LTBP2: variants seen among roughly 807,000 people sequenced by gnomAD.
LTBP2 encodes latent-transforming growth factor beta-binding protein 2.
LTBP2 carries 103 observed loss-of-function variants against 210.6 expected under a neutral mutation model. The observed-to-expected ratio is 0.49, with a 90% CI of 0.42 to 0.58. LTBP2 has a LOEUF of 0.58. Among genes scored for constraint, LTBP2 ranks in the 20% least tolerant of loss-of-function variants. The probability of loss-of-function intolerance (pLI) is 0.00; values close to 1 mark genes in which losing one functional copy is unlikely to be tolerated. For synonymous variants in LTBP2, 1,007 were observed against 1,015.0 expected (o/e 0.99, Z 0.15); for missense variants, 2,313 against 2,494.5 (o/e 0.93, Z 1.55).
Position 74,509,799 on chromosome 14 carries a change from C to A in LTBP2, c.3212G>T (p.Gly1071Val). ...CTCACAGGCAGAGCAGGCGAAGGAG[C>A]CCTCCGTGTTGAGGCAGAGGCCTGT... is the stretch of plus-strand genomic sequence containing the variant. ...CPTGLCLNTE[G>V]SFACSACENG... is the part of the protein sequence containing the mutation. The change falls in exon 21 of 36, where the codon GGC (glycine) becomes GTC (valine). Residue 1071 changes from glycine (G) to valine (V), a missense_variant. This residue lies in a region of LTBP2 where 1,867 missense variants were observed against 1,976.9 expected (regional missense o/e 0.94). Transcript: ENST00000261978. The A allele has an allele frequency of 1.2e-6, 2 of 1,614,104 alleles. No homozygotes were observed. The highest frequency in any genetic ancestry group is 2.2e-5 in the East Asian group (1 of 44,876).
In LTBP2 at chr14:74,553,025, G is replaced by T. The variant is rs755780671; in HGVS notation, c.1059C>A (p.Ile353=). 2.5e-6 allele frequency: 4 copies of T among 1,614,160 alleles called. No individual in the cohort carries two copies. In the South Asian group the frequency reaches 3.3e-5, roughly 13 times the overall value. ...NLTEKIKKIK[I]VFTPTICKQT... is the part of the protein sequence containing the mutation. ...GCTTGCAGATGGTGGGAGTGAAGAC[G>T]ATCTTGATCTTCTTGATTTTCTCCG... The change falls in exon 5 of 36, where the codon ATC becomes ATA. Residue 353 remains isoleucine, a synonymous_variant. Transcript: ENST00000261978.
chr14:74,540,197 G>C (rs2087474979), intron 8 of LTBP2, among the ~76,000 whole-genome samples: 1 of 152,196 alleles, frequency 6.6e-6, no homozygotes, highest in South Asian at 2.1e-4. Flanking sequence ...TTAAGGCCGG[G>C]CATGGTGGCT....
At chr14:74,601,536 G>T (rs1034500795) in intron 2 of LTBP2, among the ~76,000 whole-genome samples, 1 of 152,174 alleles carries the variant, frequency 6.6e-6, no homozygotes, top group Admixed American at 6.5e-5. Context: ...GATCTGCTTC[G>T]TTGTTTGTTT....
In LTBP2 at chr14:74,501,441, C is replaced by G; in HGVS notation, c.5320G>C (p.Asp1774His). The change falls in exon 35 of 36, where the codon GAT (aspartate) becomes CAT (histidine). Residue 1774 changes from aspartate to histidine, a missense_variant and splice_region_variant. Asp to His is a moderately conservative substitution (Grantham distance 81). Transcript: ENST00000261978. ...TCCTCCATCAGAATTCTGCACTTAC[C>G]TACGCAGGCCATGTGGGCCGCATCC... ...QLDAAHMACVDVNECDDLNGP... is the reference protein window; with the variant it reads ...QLDAAHMACVHVNECDDLNGP... The G allele has an allele frequency of 6.2e-7, 1 of 1,614,108 alleles. No individual in the cohort carries two copies. The highest frequency in any genetic ancestry group is 8.5e-7 in the Non-Finnish European group (1 of 1,180,018).
intron 3 of LTBP2, among the ~76,000 whole-genome samples, chr14:74,562,990 G>A (rs1239839837): frequency 1.3e-5 from 2 of 152,164 alleles, no homozygotes; most frequent in Non-Finnish European, 2.9e-5. Context: ...GTATCTGCAA[G>A]TGTAGCAGCT....
chr14:74,557,947 C>T (rs2087749548), intron 3 of LTBP2, among the ~76,000 whole-genome samples: 1 of 152,190 alleles, frequency 6.6e-6, no homozygotes, highest in African/African-American at 2.4e-5. Context: ...GGGGGCATCC[C>T]TTCCCCCAGT....
chr14:74,581,664 GC>G lies in LTBP2; in HGVS notation c.830+4189del, dbSNP rs111931947. ...TAACCTGAATGAGCGAGGAAACCGA[GC>G]CCCCCTAGAGCCCCAGGAGCCTGCT... On this transcript the variant is annotated intron_variant, in intron 3 of 35. Transcript: ENST00000261978. 2.0e-3 allele frequency among the ~76,000 whole-genome samples: 312 copies of G among 152,276 alleles called. 2 individuals are homozygous for G. Among genetic ancestry groups the G allele is most frequent in the African/African-American group, 6.9e-3 (287 of 41,538 alleles).
At chr14:74,508,462 T>C in intron 24 of LTBP2, 142 bp downstream of exon 24, 2 of 1,466,464 alleles carry the variant, frequency 1.4e-6, no homozygotes, top group Non-Finnish European at 1.8e-6. Flanking sequence ...GGCAGGGCCG[T>C]GAGCACTTGC....
At chr14:74,520,267 G>A (rs2087184498) in intron 17 of LTBP2, among the ~76,000 whole-genome samples, 2 of 152,222 alleles carry the variant, frequency 1.3e-5, no homozygotes, top group African/African-American at 4.8e-5. Context: ...CCAACACCCT[G>A]TGTGTAAGGG....
At chr14:74,501,121 C>A in intron 35 of LTBP2, 92 bp from the exon 36 acceptor site, 2 of 1,444,028 alleles carry the variant, frequency 1.4e-6, no homozygotes, top group South Asian at 1.2e-5. Flanking sequence ...GGCCACTGCC[C>A]TAGAGTGAAA....
At chr14:74,552,481 C>T in intron 5 of LTBP2, 88 bp from the exon 6 acceptor site, 2 of 1,268,540 alleles carry the variant, frequency 1.6e-6, no homozygotes, top group Non-Finnish European at 2.2e-6. Flanking sequence ...AAACAGGCGG[C>T]AGAACCCTGA....
rs1480926280 is a variant in LTBP2 at position 74,522,932 on chromosome 14, A to G, written c.2531-14T>C. ...ATCTGTCAATGCCTGTGGGAGACAGAGCAAAACAGAGGTTATGGCAGGGTG... is the reference window on the plus strand; with the variant it reads ...ATCTGTCAATGCCTGTGGGAGACAGGGCAAAACAGAGGTTATGGCAGGGTG... On this transcript the variant is annotated splice_polypyrimidine_tract_variant and intron_variant, in intron 15 of 35. Coordinates refer to ENST00000261978, the MANE Select transcript of LTBP2 (RefSeq NM_000428.3). 1 of 1,609,666 alleles carries G rather than the reference A, an allele frequency of 6.2e-7. No individual in the cohort carries two copies. The highest frequency in any genetic ancestry group is 1.1e-5 in the South Asian group (1 of 89,962).
intron 10 of LTBP2, among the ~76,000 whole-genome samples, chr14:74,530,425 G>A (rs1453346161): frequency 6.6e-6 from 1 of 152,240 alleles, no homozygotes; most frequent in Admixed American, 6.5e-5. Flanking sequence ...TCACACAGAG[G>A]AAAGAGCAGG....
chr14:74,518,883 A>C (rs1241756452), intron 17 of LTBP2, among the ~76,000 whole-genome samples: 3 of 152,214 alleles, frequency 2.0e-5, no homozygotes, highest in Non-Finnish European at 4.4e-5. Context: ...CCCCAATGGA[A>C]GAGAGAAGGG....
At chr14:74,582,964 T>G (rs1306736847) in intron 3 of LTBP2, among the ~76,000 whole-genome samples, 1 of 152,122 alleles carries the variant, frequency 6.6e-6, no homozygotes. Flanking sequence ...GATCTCCAGG[T>G]GAGGCAGGTA....
intron 3 of LTBP2, among the ~76,000 whole-genome samples, chr14:74,558,155 T>C (rs1334226585): frequency 2.0e-5 from 3 of 152,098 alleles, no homozygotes; most frequent in African/African-American, 7.2e-5. Context: ...ATCCCAGCAC[T>C]TTGGGAGGCT....
intron 3 of LTBP2, among the ~76,000 whole-genome samples, chr14:74,575,748 C>T (rs923546068): frequency 6.6e-6 from 1 of 152,194 alleles, no homozygotes; most frequent in Non-Finnish European, 1.5e-5. Flanking sequence ...GGAGATGGGG[C>T]GTGGGTGGTG....
At chr14:74,522,164 G>A (rs2087213372) in intron 16 of LTBP2, 125 bp from the exon 17 acceptor site, 2 of 1,122,326 alleles carry the variant, frequency 1.8e-6, no homozygotes, top group African/African-American at 1.5e-5. Flanking sequence ...AGGAAGGGGT[G>A]AGGGAGTGGA....
At chr14:74,592,587 A>T (rs1047667840) in intron 2 of LTBP2, among the ~76,000 whole-genome samples, 4 of 151,964 alleles carry the variant, frequency 2.6e-5, no homozygotes, top group African/African-American at 9.7e-5. Context: ...AGTCTTAGCT[A>T]CTTGTGAGGC....
Sources: allele counts gnomAD v4.1 joint callset (sites outside exome capture counted in the v4.1 genomes callset), GRCh38; gene constraint gnomAD v4.1.1; regional missense constraint gnomAD v4.1.1; transcripts MANE v1.5; gene names NCBI Gene and HGNC (gene_info 2026-07-23, HGNC 2026-07-21).